The following TAFA2 variants were observed in gnomAD, a reference collection of about 807,000 sequenced individuals.
The protein encoded by TAFA2 is TAFA chemokine like family member 2.
Under a neutral mutation model 18.8 loss-of-function variants are expected in TAFA2, and 7 were observed. The ratio of observed to expected loss-of-function variants is 0.37; its 90% CI spans 0.21 to 0.70. TAFA2 has a LOEUF of 0.70. TAFA2 is among the 30% of genes least tolerant of loss of function. The pLI is 0.53. For missense variants in TAFA2, 122 were observed against 158.1 expected (o/e 0.77, Z 1.23); for synonymous variants, 60 against 54.2 (o/e 1.11, Z -0.47).
intron 1 of TAFA2, among the ~76,000 whole-genome samples, chr12:62,210,948 T>A (rs747304076): frequency 2.2e-4 from 33 of 151,392 alleles, no homozygotes; most frequent in Non-Finnish European, 4.3e-4. Flanking sequence ...ACGGTGAAAT[T>A]GCTAATATTG....
chr12:61,818,149 C>T (rs999022957), intron 2 of TAFA2, among the ~76,000 whole-genome samples: 3 of 152,122 alleles, frequency 2.0e-5, no homozygotes, highest in Non-Finnish European at 4.4e-5. Context: ...TCTAAAGCCT[C>T]GACTTTCTCT....
At chr12:61,835,001 C>A (rs1312161558) in intron 2 of TAFA2, among the ~76,000 whole-genome samples, 2 of 151,770 alleles carry the variant, frequency 1.3e-5, no homozygotes. Flanking sequence ...CTATGATACT[C>A]CAGAATTGCT....
chr12:62,211,130 T>A (rs1047023647), intron 1 of TAFA2, among the ~76,000 whole-genome samples: 1 of 152,172 alleles, frequency 6.6e-6, no homozygotes, highest in South Asian at 2.1e-4. Flanking sequence ...TGTACATAGA[T>A]AGCACCTGCC....
At chr12:61,930,360 T>C (rs1372309431) in intron 1 of TAFA2, among the ~76,000 whole-genome samples, 1 of 152,192 alleles carries the variant, frequency 6.6e-6, no homozygotes, top group Non-Finnish European at 1.5e-5. Context: ...GAAGTTTACA[T>C]CTTTGTACTC....
chr12:62,020,820 G>C (rs1881104453), intron 1 of TAFA2, among the ~76,000 whole-genome samples: 1 of 152,106 alleles, frequency 6.6e-6, no homozygotes, highest in Non-Finnish European at 1.5e-5. Flanking sequence ...TTTTTCTGTA[G>C]CCTGGTTTTA....
At chr12:61,876,582 T>C (rs1396711709) in intron 1 of TAFA2, among the ~76,000 whole-genome samples, 3 of 152,040 alleles carry the variant, frequency 2.0e-5, no homozygotes, top group Admixed American at 6.6e-5. Context: ...TTCTCAAAGG[T>C]AGGTGAACTG....
At chr12:62,067,125 T>C (rs981052472) in intron 1 of TAFA2, among the ~76,000 whole-genome samples, 7 of 152,116 alleles carry the variant, frequency 4.6e-5, no homozygotes, top group Admixed American at 2.0e-4. Context: ...TTGAAAAATG[T>C]CTATTCAAAT....
At chr12:62,231,232 G>T (rs1489066797) in intron 1 of TAFA2, among the ~76,000 whole-genome samples, 1 of 151,986 alleles carries the variant, frequency 6.6e-6, no homozygotes, top group East Asian at 1.9e-4. Context: ...TTATATGTTT[G>T]CTTTATATAT....
intron 1 of TAFA2, among the ~76,000 whole-genome samples, chr12:62,062,541 T>C: frequency 6.6e-6 from 1 of 152,184 alleles, no homozygotes; most frequent in Non-Finnish European, 1.5e-5. Flanking sequence ...TCCCACTACC[T>C]CCTTGTCTTG....
intron 1 of TAFA2, among the ~76,000 whole-genome samples, chr12:62,187,356 T>C (rs2062593087): frequency 6.6e-6 from 1 of 152,176 alleles, no homozygotes; most frequent in Non-Finnish European, 1.5e-5. Context: ...ACACTATGCA[T>C]ACAGTTGTAC....
chr12:62,200,784 G>A (rs966362051), intron 1 of TAFA2, among the ~76,000 whole-genome samples: 3 of 152,040 alleles, frequency 2.0e-5, no homozygotes, highest in African/African-American at 4.8e-5. Flanking sequence ...CTCTAATTCC[G>A]TGAAGAATGT....
At chr12:61,721,984 C>T (rs1869925221) in intron 4 of TAFA2, among the ~76,000 whole-genome samples, 1 of 151,994 alleles carries the variant, frequency 6.6e-6, no homozygotes, top group African/African-American at 2.4e-5. Flanking sequence ...ATTTATACTC[C>T]CTTTTCCAAA....
At chr12:62,134,252 A>G (rs1190976253) in intron 1 of TAFA2, among the ~76,000 whole-genome samples, 1 of 151,964 alleles carries the variant, frequency 6.6e-6, no homozygotes, top group Non-Finnish European at 1.5e-5. Flanking sequence ...CCTAATACCC[A>G]ATATGATGGT....
intron 1 of TAFA2, among the ~76,000 whole-genome samples, chr12:61,878,643 A>G (rs1411419985): frequency 4.6e-5 from 7 of 152,136 alleles, no homozygotes. Flanking sequence ...TGTCCTTTTA[A>G]TTTTGAGCTT....
At chr12:62,169,304 C>G (rs1179628673) in intron 1 of TAFA2, among the ~76,000 whole-genome samples, 1 of 152,016 alleles carries the variant, frequency 6.6e-6, no homozygotes, top group East Asian at 1.9e-4. Context: ...AGTTAGCACT[C>G]CAATACTAGT....
intron 1 of TAFA2, among the ~76,000 whole-genome samples, chr12:61,871,727 A>G (rs1027959384): frequency 6.6e-6 from 1 of 152,152 alleles, no homozygotes; most frequent in Admixed American, 6.5e-5. Context: ...TCTGTTACAT[A>G]TTTCACTTAT....
intron 1 of TAFA2, among the ~76,000 whole-genome samples, chr12:62,207,826 T>G (rs2062698407): frequency 6.6e-6 from 1 of 152,160 alleles, no homozygotes; most frequent in African/African-American, 2.4e-5. Flanking sequence ...TGTGCCCACA[T>G]TGCCAGAGTA....
At chr12:61,749,070 A>T (rs1200573739) in intron 4 of TAFA2, among the ~76,000 whole-genome samples, 1 of 151,450 alleles carries the variant, frequency 6.6e-6, no homozygotes, top group Non-Finnish European at 1.5e-5. Context: ...GTCAGAGACC[A>T]GCCTGGGCAG....
At position 61,867,516 on chromosome 12, in the gene TAFA2, C is replaced by T. The variant is rs7974282; in HGVS notation, c.-1-90G>A. 3.1e-3 allele frequency: 2,225 copies of T among 710,228 alleles called. 39 individuals are homozygous for T. The African/African-American group carries it at 0.035, about 11-fold the overall frequency. The allele number at this position is 710,228 out of a possible 1,614,324, so 44.0% of individuals were successfully genotyped here. A position where few individuals can be genotyped will look rare whatever the true frequency, so the allele number is the denominator to read the frequency against. On this transcript the variant is annotated intron_variant, in intron 1 of 4. Coordinates refer to ENST00000416284, the MANE Select transcript of TAFA2 (RefSeq NM_178539.5). ...GCTACATGTAAAGCCTTCCACTATACTTTAACCCCTTCAACTTCTGAAAAC... is the reference window on the plus strand; with the variant it reads ...GCTACATGTAAAGCCTTCCACTATATTTTAACCCCTTCAACTTCTGAAAAC...
Sources: gnomAD v4.1 joint callset for allele counts (sites outside exome capture counted in the v4.1 genomes callset) on GRCh38, gnomAD v4.1.1 for gene constraint, MANE v1.5 for transcripts, NCBI Gene and HGNC (gene_info 2026-07-23, HGNC 2026-07-21) for gene names.